Variants in SNCG observed in about 807,000 individuals in gnomAD.
SNCG encodes synuclein gamma.
Under a neutral mutation model 16.0 loss-of-function variants are expected in SNCG, and 13 were observed. That is an observed-to-expected ratio of 0.81 (90% CI 0.53 to 1.29). The LOEUF (loss-of-function observed/expected upper bound fraction) is 1.29. Ranked by LOEUF, SNCG falls within the 50% of genes most tolerant of loss-of-function variation. SNCG has a pLI of 0.00. For missense variants in SNCG, 154 were observed against 168.5 expected (o/e 0.91, Z 0.48); for synonymous variants, 66 against 66.3 (o/e 1.00, Z 0.02).
chr10:86,957,507 G>A (rs1292902679), upstream of SNCG: 3 of 1,612,692 alleles, frequency 1.9e-6, no homozygotes, highest in African/African-American at 4.0e-5. Flanking sequence ...CCAGCCCAGG[G>A]GGCCCCCAAG....
At position 86,959,775 on chromosome 10, in the gene SNCG, A is replaced by C. The variant is rs976012669; in HGVS notation, c.163+101A>C. On this transcript the variant is annotated intron_variant, in intron 2 of 4. Transcript: ENST00000372017. This position sits in a 1 kb window ranked among gnomAD's most constrained non-coding sequence, Gnocchi z 4.3. Reference sequence around the variant, plus strand: ...AACCTAGAGTCCTGCCTTACCCCCAACTGGGGTCCCAAGCCCTACAGACCC... The same window carrying C: ...AACCTAGAGTCCTGCCTTACCCCCACCTGGGGTCCCAAGCCCTACAGACCC... 3.8e-5 allele frequency: 49 copies of C among 1,298,676 alleles called. No homozygotes were observed. The highest frequency in any genetic ancestry group is 4.8e-5 in the Non-Finnish European group (45 of 946,540). 80.4% of individuals were successfully genotyped at this position (1,298,676 alleles called of 1,614,324 possible).
rs1844296189 is a variant in SNCG at position 86,959,326 on chromosome 10, A to T, written c.122-307A>T. The T allele has an allele frequency of 4.5e-5, 24 of 535,906 alleles. 2 individuals are homozygous for T. The South Asian group carries it at 5.4e-4, about 12-fold the overall frequency. 33.2% of individuals were successfully genotyped at this position (535,906 alleles called of 1,614,324 possible). ...CAAGCCAATGACTCAGCTCTGGCCC[A>T]TCCTGTCCTGTTGCTGCTTCTGAGG... is the stretch of plus-strand genomic sequence containing the variant. On this transcript the variant is annotated intron_variant, in intron 1 of 4. Coordinates refer to ENST00000372017, the MANE Select transcript of SNCG (RefSeq NM_003087.3). The surrounding 1 kb of genome is among the most constrained non-coding windows in gnomAD (Gnocchi z 4.3).
In SNCG at chr10:86,963,062, G is replaced by A. The variant is rs1844384204; in HGVS notation, c.*77G>A. The A allele has an allele frequency of 3.4e-6, 5 of 1,453,864 alleles. No homozygotes were observed. The Admixed American group carries it at 1.1e-4, about 31-fold the overall frequency. 90.1% of individuals were successfully genotyped at this position (1,453,864 alleles called of 1,614,324 possible). A position where few individuals can be genotyped will look rare whatever the true frequency, so the allele number is the denominator to read the frequency against. Reference sequence around the variant, plus strand: ...ACCATCCCCTCCTAGCACAAGGAGTGCCCGCCTTGAGTGACATGCGGCTGC... The same window carrying A: ...ACCATCCCCTCCTAGCACAAGGAGTACCCGCCTTGAGTGACATGCGGCTGC... On this transcript the variant is annotated 3_prime_UTR_variant, in exon 5 of 5. Transcript: ENST00000372017.
At chr10:86,962,707 G>C in intron 4 of SNCG, 32 bp downstream of exon 4, 1 of 1,555,958 alleles carries the variant, frequency 6.4e-7, no homozygotes, top group South Asian at 1.1e-5. Flanking sequence ...TGCACCATGG[G>C]GGGTTCCTTG....
chr10:86,958,528 C>T, upstream of SNCG: 1 of 1,197,436 alleles, frequency 8.4e-7, no homozygotes. Context: ...GCCCCCACTG[C>T]ACGCAGGGCT....
chr10:86,956,068 G>A (rs1844220627), upstream of SNCG, among the ~76,000 whole-genome samples: 1 of 152,078 alleles, frequency 6.6e-6, no homozygotes, highest in African/African-American at 2.4e-5. Context: ...GCGGAAGGTG[G>A]CCTGAGACTA....
intron 3 of SNCG, among the ~76,000 whole-genome samples, chr10:86,962,014 G>A (rs1844360262): frequency 6.6e-6 from 1 of 152,254 alleles, no homozygotes; most frequent in Non-Finnish European, 1.5e-5. Flanking sequence ...AAGTGAGAGA[G>A]GACTGTGTAA....
chr10:86,958,100 C>A, upstream of SNCG: 3 of 984,402 alleles, frequency 3.0e-6, no homozygotes, highest in Non-Finnish European at 3.6e-6. Flanking sequence ...GATCCTCCAA[C>A]CGGTTTCATG....
chr10:86,961,454 C>T (rs1481968093), intron 3 of SNCG, among the ~76,000 whole-genome samples: 1 of 152,040 alleles, frequency 6.6e-6, no homozygotes, highest in Non-Finnish European at 1.5e-5. Flanking sequence ...TCATCATCAT[C>T]ATCATCATGT....
chr10:86,959,540 C>T lies in SNCG; in HGVS notation c.122-93C>T. On this transcript the variant is annotated intron_variant, in intron 1 of 4. Coordinates refer to ENST00000372017, the MANE Select transcript of SNCG (RefSeq NM_003087.3). This position sits in a 1 kb window ranked among gnomAD's most constrained non-coding sequence, Gnocchi z 4.3. ...ACACCATCCTTACCCCCCCACCGAC[C>T]CCACAGTTTGTCCAGCTGTTCTGTT... 8.6e-7 allele frequency: 1 copy of T among 1,169,058 alleles called. No homozygotes were observed. The highest frequency in any genetic ancestry group is 1.3e-5 in the South Asian group (1 of 79,202). 72.4% of individuals were successfully genotyped at this position (1,169,058 alleles called of 1,614,324 possible). A position where few individuals can be genotyped will look rare whatever the true frequency, so the allele number is the denominator to read the frequency against.
chr10:86,961,496 G>A (rs1399419572), intron 3 of SNCG, among the ~76,000 whole-genome samples: 1 of 152,082 alleles, frequency 6.6e-6, no homozygotes, highest in African/African-American at 2.4e-5. Flanking sequence ...GCCCCAGGGG[G>A]CTCCTCCCTC....
rs1844300835 is a variant in SNCG at position 86,959,502 on chromosome 10, C to T, written c.122-131C>T. On this transcript the variant is annotated intron_variant, in intron 1 of 4. Coordinates refer to ENST00000372017, the MANE Select transcript of SNCG (RefSeq NM_003087.3). This position sits in a 1 kb window ranked among gnomAD's most constrained non-coding sequence, Gnocchi z 4.3. ...GCAGGAAGAGGCCCTCTGAAGGGGC[C>T]GCCGGCCCCCAGACACCATCCTTAC... 7 of 746,942 alleles carry T rather than the reference C, an allele frequency of 9.4e-6. No individual in the cohort carries two copies. Among genetic ancestry groups the T allele is most frequent in the African/African-American group, 5.3e-5 (3 of 56,972 alleles). The allele number at this position is 746,942 out of a possible 1,614,324, so 46.3% of individuals were successfully genotyped here. A position where few individuals can be genotyped will look rare whatever the true frequency, so the allele number is the denominator to read the frequency against.
chr10:86,957,313 T>C, upstream of SNCG: 1 of 1,544,230 alleles, frequency 6.5e-7, no homozygotes. Flanking sequence ...AGAGAGGCTC[T>C]GCTCTAGCTG....
upstream of SNCG, among the ~76,000 whole-genome samples, chr10:86,957,173 C>A (rs1438514713): frequency 2.6e-5 from 4 of 152,234 alleles, no homozygotes; most frequent in Non-Finnish European, 5.9e-5. Flanking sequence ...GCCATGGCTC[C>A]GACAGGGAAC....
upstream of SNCG, among the ~76,000 whole-genome samples, chr10:86,956,294 G>C (rs1564736046): frequency 6.6e-6 from 1 of 152,046 alleles, no homozygotes; most frequent in African/African-American, 2.4e-5. Context: ...CTCACTAAGG[G>C]GCCTCTTGCC....
In SNCG at chr10:86,962,826, C is replaced by A. The variant is rs1291950073; in HGVS notation, c.364-139C>A. On this transcript the variant is annotated intron_variant, in intron 4 of 4. Transcript: ENST00000372017. Reference sequence around the variant, plus strand: ...CTACAGGGACTGTGTACAGGGCTAACCCTGAACCTGAGTGGGAGGTCCCCC... The same window carrying A: ...CTACAGGGACTGTGTACAGGGCTAAACCTGAACCTGAGTGGGAGGTCCCCC... The A allele has an allele frequency of 4.2e-6, 5 of 1,184,986 alleles. No homozygotes were observed. In the South Asian group the frequency reaches 5.8e-5, roughly 14 times the overall value. The allele number at this position is 1,184,986 out of a possible 1,614,324, so 73.4% of individuals were successfully genotyped here. A position where few individuals can be genotyped will look rare whatever the true frequency, so the allele number is the denominator to read the frequency against.
rs759654113 is a variant in SNCG at position 86,960,125 on chromosome 10, C to A, written c.288C>A (p.Arg96=). Residue 96 remains arginine, a synonymous_variant, in exon 3 of 5, where the codon CGC becomes CGA. Transcript: ENST00000372017. ...ENIAVTSGVV[R]KEDLRPSAPQ... ...TCGCGGTCACCTCCGGGGTGGTGCG[C>A]AAGGTGAGCCCCGGCCCTCAGACCT... 6.2e-7 allele frequency: 1 copy of A among 1,611,500 alleles called. No homozygotes were observed. The highest frequency in any genetic ancestry group is 1.1e-5 in the South Asian group (1 of 90,894).
At chr10:86,957,943 A>C, upstream of SNCG, 2 of 1,033,468 alleles carry the variant, frequency 1.9e-6, no homozygotes, top group African/African-American at 3.4e-5. Context: ...ACTGCTGGCC[A>C]GGAAATGGGG....
upstream of SNCG, chr10:86,957,757 T>A: frequency 7.3e-7 from 1 of 1,364,140 alleles, no homozygotes; most frequent in Non-Finnish European, 9.4e-7. Context: ...ACAAGCCAGT[T>A]CCTGTCCCTG....
Sources: allele counts gnomAD v4.1 joint callset (sites outside exome capture counted in the v4.1 genomes callset), GRCh38; gene constraint gnomAD v4.1.1; non-coding constraint Gnocchi (gnomAD v3.1); transcripts MANE v1.5; gene names NCBI Gene and HGNC (gene_info 2026-07-23, HGNC 2026-07-21).